Variants in HECW1 observed in about 807,000 individuals in gnomAD.
HECW1 encodes the protein HECT, C2 and WW domain containing E3 ubiquitin protein ligase 1, also known as E3 ubiquitin-protein ligase HECW1.
HECW1 carries 61 observed loss-of-function variants against 182.3 expected under a neutral mutation model. The ratio of observed to expected loss-of-function variants is 0.33; its 90% confidence interval spans 0.27 to 0.41. The LOEUF (loss-of-function observed/expected upper bound fraction) is 0.41. HECW1 is among the 10% of genes least tolerant of loss of function. The pLI is 1.00. For synonymous variants in HECW1, 859 were observed against 832.6 expected (o/e 1.03, Z -0.55); for missense variants, 1,739 against 2,108.9 (o/e 0.82, Z 3.44).
chr7:43,373,186 C>A (rs912620210), intron 6 of HECW1, among the ~76,000 whole-genome samples: 16 of 147,544 alleles, frequency 1.1e-4, no homozygotes, highest in African/African-American at 4.0e-4. Context: ...ACGTTGGTGT[C>A]GTTCTGCCTT....
intron 11 of HECW1, among the ~76,000 whole-genome samples, chr7:43,447,822 T>C (rs569400401): frequency 6.6e-6 from 1 of 152,260 alleles, no homozygotes; most frequent in South Asian, 2.1e-4. Context: ...CAAATTCCTT[T>C]ACTGTAGAAA....
chr7:43,213,649 G>A (rs1336788209), intron 2 of HECW1, among the ~76,000 whole-genome samples: 1 of 151,850 alleles, frequency 6.6e-6, no homozygotes, highest in Non-Finnish European at 1.5e-5. Flanking sequence ...GTTTCACCGT[G>A]TTAGCCAGGA....
rs557112834 is a variant in HECW1, at chr7:43,112,795, G to A, written c.-409G>A. The stretch of plus-strand genomic sequence containing the variant: ...TCTCTCGGGGCACCCGGCAGCCAGA[G>A]CGCAGCGAGAGCGGGCGGTCGCCAG... On this transcript the variant is annotated 5_prime_UTR_variant, in exon 1 of 30. Transcript: ENST00000395891. 4.0e-4 allele frequency: 92 copies of A among 229,342 alleles called. 1 individual carries two copies. Among genetic ancestry groups the A allele is most frequent in the African/African-American group, 1.8e-3 (80 of 45,164 alleles). 14.2% of individuals were successfully genotyped at this position (229,342 alleles called of 1,614,324 possible). A position where few individuals can be genotyped will look rare whatever the true frequency, so the allele number is the denominator to read the frequency against.
intron 2 of HECW1, among the ~76,000 whole-genome samples, chr7:43,232,576 A>G (rs1330941676): frequency 6.6e-6 from 1 of 152,158 alleles, no homozygotes; most frequent in Non-Finnish European, 1.5e-5. Flanking sequence ...GTGCTTCTGA[A>G]GTGTAGGCTG....
At chr7:43,436,780 A>G (rs1003812664) in intron 8 of HECW1, among the ~76,000 whole-genome samples, 4 of 152,220 alleles carry the variant, frequency 2.6e-5, no homozygotes, top group African/African-American at 9.6e-5. Flanking sequence ...CCAACTTCTG[A>G]TGGTCACGGT....
chr7:43,183,974 CA>C (rs1481557986), intron 2 of HECW1, among the ~76,000 whole-genome samples: 1 of 150,270 alleles, frequency 6.7e-6, no homozygotes, highest in Non-Finnish European at 1.5e-5. Flanking sequence ...AAAAAAAAAT[CA>C]AGATGTGATT....
At chr7:43,499,898 A>G (rs533923464) in intron 19 of HECW1, among the ~76,000 whole-genome samples, 5 of 152,332 alleles carry the variant, frequency 3.3e-5, no homozygotes, top group South Asian at 4.1e-4. Flanking sequence ...ATCAGAATAC[A>G]CGAGTTGTAG....
At chr7:43,399,474 A>G (rs2075334096) in intron 7 of HECW1, among the ~76,000 whole-genome samples, 1 of 152,278 alleles carries the variant, frequency 6.6e-6, no homozygotes, top group Non-Finnish European at 1.5e-5. Context: ...AATACTGCAC[A>G]ACTATGTGCC....
intron 5 of HECW1, among the ~76,000 whole-genome samples, chr7:43,356,606 A>T (rs1815170910): frequency 6.6e-6 from 1 of 152,224 alleles, no homozygotes; most frequent in African/African-American, 2.4e-5. Context: ...TTCTATCAAC[A>T]CATGGAACAT....
chr7:43,383,089 C>T (rs770046276), intron 6 of HECW1, among the ~76,000 whole-genome samples: 2 of 152,196 alleles, frequency 1.3e-5, no homozygotes, highest in Non-Finnish European at 2.9e-5. Flanking sequence ...GCTTCATCCA[C>T]GTACCTGCAA....
chr7:43,323,267 T>A (rs1168023352), intron 5 of HECW1, among the ~76,000 whole-genome samples: 3 of 152,182 alleles, frequency 2.0e-5, no homozygotes, highest in Non-Finnish European at 4.4e-5. Context: ...ATTGTCCTCA[T>A]GGGCAGTATG....
At chr7:43,436,295 T>C (rs2076710026) in intron 8 of HECW1, among the ~76,000 whole-genome samples, 1 of 152,096 alleles carries the variant, frequency 6.6e-6, no homozygotes, top group Non-Finnish European at 1.5e-5. Flanking sequence ...TAAGACTTCC[T>C]CTTCCCAGGT....
At chr7:43,359,303 G>T (rs1208259605) in intron 5 of HECW1, among the ~76,000 whole-genome samples, 1 of 152,148 alleles carries the variant, frequency 6.6e-6, no homozygotes, top group African/African-American at 2.4e-5. Context: ...ACTTTAGCTG[G>T]ACATTATCAA....
intron 2 of HECW1, among the ~76,000 whole-genome samples, chr7:43,194,641 C>G (rs1794254126): frequency 6.6e-6 from 1 of 151,966 alleles, no homozygotes; most frequent in Non-Finnish European, 1.5e-5. Context: ...TGGCCAAGCT[C>G]TGTGGATTCA....
chr7:43,183,035 A>G (rs1793021948), intron 2 of HECW1, among the ~76,000 whole-genome samples: 1 of 152,136 alleles, frequency 6.6e-6, no homozygotes, highest in African/African-American at 2.4e-5. Context: ...GATTTTTATC[A>G]CTATATCTTT....
At chr7:43,138,214 G>A (rs1050689443) in intron 2 of HECW1, among the ~76,000 whole-genome samples, 11 of 152,300 alleles carry the variant, frequency 7.2e-5, no homozygotes, top group South Asian at 2.1e-4. Flanking sequence ...GCTGCTGCCC[G>A]GACTGGCATA....
intron 2 of HECW1, among the ~76,000 whole-genome samples, chr7:43,231,978 C>T (rs1191285340): frequency 6.8e-6 from 1 of 147,808 alleles, no homozygotes; most frequent in East Asian, 2.0e-4. Context: ...GCTGAGATCC[C>T]ACCACTGCAC....
chr7:43,293,408 C>T (rs533965796), intron 3 of HECW1, among the ~76,000 whole-genome samples: 15 of 152,280 alleles, frequency 9.9e-5, no homozygotes, highest in African/African-American at 3.6e-4. Flanking sequence ...AGCCCACAAT[C>T]AGTCTGATTG....
chr7:43,149,406 G>A (rs1284563467), intron 2 of HECW1, among the ~76,000 whole-genome samples: 1 of 152,142 alleles, frequency 6.6e-6, no homozygotes, highest in Non-Finnish European at 1.5e-5. Flanking sequence ...CAAAATAACT[G>A]TCCAGAATTT....
Sources: allele counts gnomAD v4.1 joint callset (sites outside exome capture counted in the v4.1 genomes callset), GRCh38; gene constraint gnomAD v4.1.1; transcripts MANE v1.5; gene names NCBI Gene and HGNC (gene_info 2026-07-23, HGNC 2026-07-21).